Variants in ZNF705G observed in about 807,000 individuals in gnomAD.
ZNF705G encodes zinc finger protein 705G, also known as putative zinc finger protein 705G.
In ZNF705G, 23 loss-of-function variants were observed where a neutral mutation model predicts 19.6. The ratio of observed to expected loss-of-function variants is 1.17; its 90% CI spans 0.84 to 1.66. The LOEUF (loss-of-function observed/expected upper bound fraction) is 1.66. Among genes scored for constraint, ZNF705G ranks in the 40% most tolerant of loss-of-function variants. The probability of loss-of-function intolerance (pLI) is 0.00; values close to 1 mark genes in which losing one functional copy is unlikely to be tolerated. For synonymous variants in ZNF705G, 146 were observed against 117.7 expected (o/e 1.24, Z -1.56); for missense variants, 457 against 354.4 (o/e 1.29, Z -2.32).
chr8:7,379,603 T>C (rs1390643559), intron 2 of ZNF705G, among the ~76,000 whole-genome samples: 5 of 146,870 alleles, frequency 3.4e-5, no homozygotes, highest in African/African-American at 1.4e-4. Flanking sequence ...GGAAGGAAAA[T>C]GAAGCAGCTG....
Position 7,358,709 on chromosome 8 carries a change from T to C in ZNF705G, c.319-149A>G. The stretch of plus-strand genomic sequence containing the variant: ...TTCTTGTGTGAAAGGAAATTAAATT[T>C]TGGGACCCCAAACTCATTTAACCAA... On this transcript the variant is annotated intron_variant, in intron 6 of 6. Coordinates refer to ENST00000400156, the MANE Select transcript of ZNF705G (RefSeq NM_001164457.3). 9 of 1,388,094 alleles carry C rather than the reference T, an allele frequency of 6.5e-6. No homozygotes were observed. In the South Asian group the frequency reaches 1.3e-4, roughly 21 times the overall value. 86.0% of individuals were successfully genotyped at this position (1,388,094 alleles called of 1,614,324 possible).
Position 7,356,462 on chromosome 8 carries a change from C to G in ZNF705G, c.*1514G>C, listed in dbSNP as rs1169247636. On this transcript the variant is annotated 3_prime_UTR_variant, in exon 7 of 7. Coordinates refer to ENST00000400156, the MANE Select transcript of ZNF705G (RefSeq NM_001164457.3). ...CTGATCCCAGTTAACTGCCTAGAGACAGAGGAAAGGGCTGCGGACACCCAA... is the reference window on the plus strand; with the variant it reads ...CTGATCCCAGTTAACTGCCTAGAGAGAGAGGAAAGGGCTGCGGACACCCAA... 1 of 149,762 alleles carries G rather than the reference C, an allele frequency of 6.7e-6. No individual in the cohort carries two copies. 9.3% of individuals were successfully genotyped at this position (149,762 alleles called of 1,614,324 possible).
chr8:7,361,314 G>C (rs1232620643), intron 3 of ZNF705G, 78 bp from the exon 4 acceptor site: 1 of 1,590,562 alleles, frequency 6.3e-7, no homozygotes, highest in Non-Finnish European at 8.5e-7. Flanking sequence ...AGATGACATA[G>C]CTAGCAGCTG....
At chr8:7,380,955 G>A (rs1228199478) in intron 2 of ZNF705G, among the ~76,000 whole-genome samples, 1 of 124,130 alleles carries the variant, frequency 8.1e-6, no homozygotes, top group African/African-American at 4.2e-5. Flanking sequence ...AGGCAGAGTT[G>A]CAGTGAGTTG....
In ZNF705G at chr8:7,356,039, G is replaced by C. The variant is rs1806212713; in HGVS notation, c.*1937C>G. On this transcript the variant is annotated 3_prime_UTR_variant, in exon 7 of 7. Transcript: ENST00000400156. ...TTGTGCCTGTTTGGCAAAATTTCAAGTCATCCCACTTAATATTCAGGAAAC... is the reference window on the plus strand; with the variant it reads ...TTGTGCCTGTTTGGCAAAATTTCAACTCATCCCACTTAATATTCAGGAAAC... 2 of 149,484 alleles carry C rather than the reference G, an allele frequency of 1.3e-5. No homozygotes were observed. Among genetic ancestry groups the C allele is most frequent in the African/African-American group, 2.6e-5 (1 of 38,868 alleles). 9.3% of individuals were successfully genotyped at this position (149,484 alleles called of 1,614,324 possible).
At position 7,362,010 on chromosome 8, in the gene ZNF705G, T is replaced by C. The variant is rs1474123483; in HGVS notation, c.13-774A>G. Among the ~76,000 whole-genome samples the C allele has an allele frequency of 1.3e-5, 2 of 149,658 alleles. 1 individual carries two copies. The highest frequency in any genetic ancestry group is 5.1e-5 in the African/African-American group (2 of 39,052). On this transcript the variant is annotated intron_variant, in intron 3 of 6. Coordinates refer to ENST00000400156, the MANE Select transcript of ZNF705G (RefSeq NM_001164457.3). ...GGAAATCTTAGTCCGATGATTCCTG[T>C]GATATGAAGCTTTCTGTTCTCAACT...
intron 2 of ZNF705G, among the ~76,000 whole-genome samples, chr8:7,376,903 A>T (rs1389588616): frequency 2.7e-5 from 4 of 148,860 alleles, no homozygotes; most frequent in Non-Finnish European, 5.9e-5. Flanking sequence ...GTGTAGGAAT[A>T]AAAACAGCTG....
intron 3 of ZNF705G, among the ~76,000 whole-genome samples, chr8:7,362,305 G>T (rs752924890): frequency 1.3e-5 from 2 of 149,744 alleles, no homozygotes; most frequent in Non-Finnish European, 1.5e-5. Context: ...AGTGAATGGG[G>T]ATAAGAATAA....
rs1441467310 is a variant in ZNF705G, at chr8:7,356,620, G to C, written c.*1356C>G. ...CTCGAGGGTTGGATGGAAACAAGTG[G>C]TTTTAGTGGACGTTGAAGTAAAGGG... is the stretch of plus-strand genomic sequence containing the variant. On this transcript the variant is annotated 3_prime_UTR_variant, in exon 7 of 7. Transcript: ENST00000400156. 6.7e-6 allele frequency: 1 copy of C among 149,610 alleles called. No homozygotes were observed. The highest frequency in any genetic ancestry group is 1.5e-5 in the Non-Finnish European group (1 of 68,018). The allele number at this position is 149,610 out of a possible 1,614,324, so 9.3% of individuals were successfully genotyped here. A position where few individuals can be genotyped will look rare whatever the true frequency, so the allele number is the denominator to read the frequency against.
intron 4 of ZNF705G, 104 bp from the exon 5 acceptor site, chr8:7,360,436 T>A: frequency 6.5e-7 from 1 of 1,547,978 alleles, no homozygotes; most frequent in South Asian, 1.1e-5. Flanking sequence ...ACAGTGAAGG[T>A]CAGCTCAGGC....
intron 3 of ZNF705G, 123 bp from the exon 4 acceptor site, chr8:7,361,359 C>T (rs1238779616): frequency 1.3e-6 from 2 of 1,539,468 alleles, no homozygotes; most frequent in Non-Finnish European, 1.7e-6. Flanking sequence ...GGGTTCCAGC[C>T]AGTTCATTCT....
rs759962950 is a variant in ZNF705G at position 7,361,066 on chromosome 8, G to A, written c.139+44C>T. Reference sequence around the variant, plus strand: ...GTTTTAACACTTATTGAATGAATGAGTGAATGTGTCTCTACATATGTACAT... The same window carrying A: ...GTTTTAACACTTATTGAATGAATGAATGAATGTGTCTCTACATATGTACAT... On this transcript the variant is annotated intron_variant, in intron 4 of 6. Coordinates refer to ENST00000400156, the MANE Select transcript of ZNF705G (RefSeq NM_001164457.3). 1.9e-6 allele frequency: 3 copies of A among 1,592,636 alleles called. No homozygotes were observed. The East Asian group carries it at 6.7e-5, about 36-fold the overall frequency.
Position 7,364,458 on chromosome 8 carries a change from T to C in ZNF705G, c.-71-1441A>G, listed in dbSNP as rs896289593. ...TTAACCCTCATAATAACCCTGCTGA[T>C]TACAGTTTATTTACCAATTTAATAA... is the stretch of plus-strand genomic sequence containing the variant. On this transcript the variant is annotated intron_variant, in intron 2 of 6. Transcript: ENST00000400156. 1.6e-4 allele frequency among the ~76,000 whole-genome samples: 24 copies of C among 149,782 alleles called. 4 individuals are homozygous for C. Among genetic ancestry groups the C allele is most frequent in the African/African-American group, 6.1e-4 (24 of 39,180 alleles).
chr8:7,360,415 G>A (rs1806521432), intron 4 of ZNF705G, 83 bp from the exon 5 acceptor site: 7 of 1,575,156 alleles, frequency 4.4e-6, no homozygotes, highest in Non-Finnish European at 6.0e-6. Flanking sequence ...GGCTATCAAG[G>A]AAGAATAAAA....
intron 1 of ZNF705G, 105 bp downstream of exon 1, chr8:7,385,393 A>G (rs1304829715): frequency 1.3e-5 from 2 of 148,716 alleles, no homozygotes; most frequent in Non-Finnish European, 2.9e-5. Flanking sequence ...GGAGGCTGAA[A>G]TCTGTTGTCT....
At position 7,380,765 on chromosome 8, in the gene ZNF705G, A is replaced by C. The variant is rs146079082; in HGVS notation, c.-72+687T>G. ...GAAAGCCACCTGACTCACGCCTGTAATCCTAGCACTTTGGAAGGCTGAGGG... is the reference window on the plus strand; with the variant it reads ...GAAAGCCACCTGACTCACGCCTGTACTCCTAGCACTTTGGAAGGCTGAGGG... On this transcript the variant is annotated intron_variant, in intron 2 of 6. Transcript: ENST00000400156. Among the ~76,000 whole-genome samples, 147 of 146,624 alleles carry C rather than the reference A, an allele frequency of 1.0e-3. 18 individuals carry two copies. Among genetic ancestry groups the C allele is most frequent in the African/African-American group, 3.8e-3 (139 of 36,328 alleles).
chr8:7,362,171 C>A (rs544647054), intron 3 of ZNF705G, among the ~76,000 whole-genome samples: 86 of 149,594 alleles, frequency 5.7e-4, no homozygotes, highest in Non-Finnish European at 1.0e-3. Context: ...TTCCACAGAA[C>A]CCTAAATTGT....
intron 6 of ZNF705G, 111 bp downstream of exon 6, chr8:7,359,508 A>C: frequency 6.5e-7 from 1 of 1,546,796 alleles, no homozygotes; most frequent in Non-Finnish European, 8.7e-7. Context: ...TTTGCTTAGA[A>C]AACACTTAAT....
At chr8:7,379,683 A>G (rs1283712236) in intron 2 of ZNF705G, among the ~76,000 whole-genome samples, 1 of 147,272 alleles carries the variant, frequency 6.8e-6, no homozygotes, top group Admixed American at 6.6e-5. Flanking sequence ...AGAGAGCCCC[A>G]GTGGTCCATA....
Sources: gnomAD v4.1 joint callset for allele counts (sites outside exome capture counted in the v4.1 genomes callset) on GRCh38, gnomAD v4.1.1 for gene constraint, MANE v1.5 for transcripts, NCBI Gene and HGNC (gene_info 2026-07-23, HGNC 2026-07-21) for gene names.